KCTD2: variants seen among roughly 807,000 people sequenced by gnomAD.
The protein encoded by KCTD2 is BTB/POZ domain-containing protein KCTD2.
In KCTD2, 18 loss-of-function variants were observed where a neutral mutation model predicts 27.9. The observed-to-expected ratio is 0.64, with a 90% CI of 0.45 to 0.96. The LOEUF is 0.96. Ranked by LOEUF, KCTD2 falls within the 40% of genes least tolerant of loss-of-function variation. KCTD2 has a pLI of 0.00. For missense variants in KCTD2, 280 were observed against 348.0 expected (o/e 0.80, Z 1.56); for synonymous variants, 175 against 148.4 (o/e 1.18, Z -1.30).
At chr17:75,052,275 T>G (rs1278164029) in intron 2 of KCTD2, among the ~76,000 whole-genome samples, 1 of 152,142 alleles carries the variant, frequency 6.6e-6, no homozygotes, top group Non-Finnish European at 1.5e-5. Context: ...GGAGAGAGAT[T>G]GGATTTGCAT....
chr17:75,038,911 A>G, intron 3 of KCTD2: 1 of 1,608,198 alleles, frequency 6.2e-7, no homozygotes, highest in Non-Finnish European at 8.5e-7. Flanking sequence ...CAAGGGCCAG[A>G]GCTTCCTCCT....
At chr17:75,062,923 C>T in intron 5 of KCTD2, 95 bp from the exon 6 acceptor site, 1 of 1,322,156 alleles carries the variant, frequency 7.6e-7, no homozygotes, top group East Asian at 2.3e-5. Context: ...ATGACAGGAC[C>T]ATCATGCCAC....
At chr17:75,044,199 A>AT (rs755560156), upstream of KCTD2, among the ~76,000 whole-genome samples, 207 of 94,676 alleles carry the variant, frequency 2.2e-3, 13 homozygotes, top group Admixed American at 6.4e-3. Flanking sequence ...TAATTTTTGT[A>AT]TTTTTTTTTT....
At chr17:75,057,513 T>A (rs72631377) in intron 3 of KCTD2, among the ~76,000 whole-genome samples, 14,264 of 151,644 alleles carry the variant, frequency 0.094, 1,498 homozygotes, top group East Asian at 0.62. Flanking sequence ...TGGAAGGAAA[T>A]CTTTGAAATC....
In KCTD2 at chr17:75,053,015, T is replaced by C. The variant is rs139838680; in HGVS notation, c.450T>C (p.Gly150=). Residue 150 remains glycine, a splice_region_variant and synonymous_variant, in exon 3 of 6, where the codon GGT becomes GGC. Coordinates refer to ENST00000322444, the MANE Select transcript of KCTD2 (RefSeq NM_015353.3). ...LIITKELAEE[G]VLEEAEFYNI... is the part of the protein sequence containing the mutation. Reference sequence around the variant, plus strand: ...ACTGCAGTTTTGTCCTTGTTCCAGGTGTGCTGGAGGAAGCGGAGTTTTACA... The same window carrying C: ...ACTGCAGTTTTGTCCTTGTTCCAGGCGTGCTGGAGGAAGCGGAGTTTTACA... 174 of 1,613,758 alleles carry C rather than the reference T, an allele frequency of 1.1e-4. No individual in the cohort carries two copies. In the African/African-American group the frequency reaches 2.1e-3, roughly 19 times the overall value.
chr17:75,060,466 T>TA, intron 4 of KCTD2: 1 of 1,611,340 alleles, frequency 6.2e-7, no homozygotes, highest in Non-Finnish European at 8.5e-7. Flanking sequence ...TCCAAGGTGA[T>TA]ACTTTCAGAA....
intron 5 of KCTD2, 30 bp from the exon 6 acceptor site, chr17:75,062,988 C>G: frequency 6.2e-7 from 1 of 1,613,450 alleles, no homozygotes; most frequent in Non-Finnish European, 8.5e-7. Context: ...CCTCAGCAGC[C>G]TCAGCCTCTC....
chr17:75,046,397 C>A (rs1050731630), upstream of KCTD2, among the ~76,000 whole-genome samples: 1 of 152,086 alleles, frequency 6.6e-6, no homozygotes, highest in South Asian at 2.1e-4. Flanking sequence ...TTTTTTAATT[C>A]TTAAAAATCT....
upstream of KCTD2, chr17:75,042,327 ATTCACATGGTAATT>A (rs776152275): frequency 6.3e-7 from 1 of 1,589,962 alleles, no homozygotes. Flanking sequence ...GCAGTAGAAA[ATTCACATGGTAATT>A]TTCCTATCCC....
upstream of KCTD2, among the ~76,000 whole-genome samples, chr17:75,045,332 G>C (rs1217404219): frequency 6.6e-6 from 1 of 152,200 alleles, no homozygotes; most frequent in Non-Finnish European, 1.5e-5. Context: ...GAAGTTTTGG[G>C]CACCATTGTC....
At chr17:75,056,964 T>TC (rs1344720408) in intron 3 of KCTD2, among the ~76,000 whole-genome samples, 1 of 145,056 alleles carries the variant, frequency 6.9e-6, no homozygotes, top group Admixed American at 6.9e-5. Context: ...TTTTTTTTTT[T>TC]TTTTTTTGGA....
intron 4 of KCTD2, among the ~76,000 whole-genome samples, chr17:75,059,901 A>G (rs2073386315): frequency 1.3e-5 from 2 of 152,194 alleles, no homozygotes; most frequent in South Asian, 4.1e-4. Flanking sequence ...GTTCCCTCAC[A>G]GGGATCGTAG....
At chr17:75,042,814 G>A (rs551252056), upstream of KCTD2, among the ~76,000 whole-genome samples, 171 of 152,286 alleles carry the variant, frequency 1.1e-3, no homozygotes, top group African/African-American at 4.1e-3. Context: ...CCAGGAGGTG[G>A]AGGTTGCAGT....
Position 75,049,328 on chromosome 17 carries a change from G to T in KCTD2, c.448G>T (p.Gly150Cys). The change falls in exon 2 of 6, where the codon GGT (glycine) becomes TGT (cysteine). Residue 150 changes from glycine to cysteine, a missense_variant and splice_region_variant. By Grantham distance (159) the Gly-to-Cys change is radical. Coordinates refer to ENST00000322444, the MANE Select transcript of KCTD2 (RefSeq NM_015353.3). ...LIITKELAEE[G>C]VLEEAEFYNI... Reference sequence around the variant, plus strand: ...CATCACTAAGGAGTTGGCAGAAGAAGGTAAGCGCACTGTTTGCATTGGGGA... The same window carrying T: ...CATCACTAAGGAGTTGGCAGAAGAATGTAAGCGCACTGTTTGCATTGGGGA... The T allele has an allele frequency of 6.4e-7, 1 of 1,573,664 alleles. No homozygotes were observed.
chr17:75,063,458 T>G lies in KCTD2; in HGVS notation c.*411T>G, dbSNP rs971998007. The G allele has an allele frequency of 4.6e-6, 1 of 217,334 alleles. No individual in the cohort carries two copies. The highest frequency in any genetic ancestry group is 1.0e-4 in the East Asian group (1 of 9,936). 13.5% of individuals were successfully genotyped at this position (217,334 alleles called of 1,614,324 possible). On this transcript the variant is annotated 3_prime_UTR_variant, in exon 6 of 6. Transcript: ENST00000322444. ...TGCCGTGCCATGGTTTCACCCTATG[T>G]GTGCCACAATGGACGTTAGCAGCTG...
intron 2 of KCTD2, among the ~76,000 whole-genome samples, chr17:75,051,762 A>G (rs2073290783): frequency 6.6e-6 from 1 of 152,134 alleles, no homozygotes; most frequent in African/African-American, 2.4e-5. Flanking sequence ...TTATGTAACC[A>G]CAGACAGTAC....
chr17:75,062,193 A>T lies in KCTD2; in HGVS notation c.710A>T (p.Glu237Val). ...GAATTCCTCTGTGTTGTCTCCAGAG[A>T]ACTAAATAATTCTACCAATGGCATC... Reference protein sequence around the residue: ...QAEFLCVVSRELNNSTNGIVI... With the variant: ...QAEFLCVVSRVLNNSTNGIVI... The change falls in exon 5 of 6, where the codon GAA (glutamate) becomes GTA (valine). Residue 237 changes from glutamate to valine, a missense_variant. Transcript: ENST00000322444. 6.2e-7 allele frequency: 1 copy of T among 1,614,020 alleles called. No individual in the cohort carries two copies.
In KCTD2 at chr17:75,064,478, C is replaced by CA. The variant is rs1198977520; in HGVS notation, c.*1433dup. ...TGTGCTCCACAGCTCACCTGCTTGC[C>CA]AAGGTACGTCTGGGTAGTAGTTTCT... On this transcript the variant is annotated 3_prime_UTR_variant, in exon 6 of 6. Transcript: ENST00000322444. The CA allele has an allele frequency of 6.6e-6, 1 of 152,276 alleles. No individual in the cohort carries two copies. The highest frequency in any genetic ancestry group is 1.5e-5 in the Non-Finnish European group (1 of 68,072). 9.4% of individuals were successfully genotyped at this position (152,276 alleles called of 1,614,324 possible).
chr17:75,053,228 G>T, intron 3 of KCTD2, 123 bp downstream of exon 3: 1 of 741,262 alleles, frequency 1.3e-6, no homozygotes, highest in South Asian at 1.6e-5. Flanking sequence ...CGTTTGCAGT[G>T]CAGGGAATGC....
Sources: gnomAD v4.1 joint callset for allele counts (sites outside exome capture counted in the v4.1 genomes callset) on GRCh38, gnomAD v4.1.1 for gene constraint, MANE v1.5 for transcripts, NCBI Gene and HGNC (gene_info 2026-07-23, HGNC 2026-07-21) for gene names.